VCAN: variants seen among roughly 807,000 people sequenced by gnomAD.
VCAN encodes versican core protein.
In VCAN, 44 loss-of-function variants were observed where a neutral mutation model predicts 245.5. The ratio of observed to expected loss-of-function variants is 0.18; its 90% CI spans 0.14 to 0.23. VCAN has a LOEUF of 0.23. Ranked by LOEUF, VCAN falls within the 10% of genes least tolerant of loss-of-function variation. The pLI is 1.00. For missense variants in VCAN, 3,793 were observed against 4,057.9 expected, an observed-to-expected ratio of 0.93 and a Z score of 1.77; for synonymous variants, 1,413 against 1,437.0, an observed-to-expected ratio of 0.98 and a Z score of 0.38.
intron 7 of VCAN, among the ~76,000 whole-genome samples, chr5:83,529,619 A>G (rs969117123): frequency 6.6e-6 from 1 of 152,072 alleles, no homozygotes; most frequent in Non-Finnish European, 1.5e-5. Context: ...AGGGATAACT[A>G]TATTTACAGT....
intron 12 of VCAN, among the ~76,000 whole-genome samples, chr5:83,569,022 T>C (rs1335783108): frequency 6.6e-6 from 1 of 152,182 alleles, no homozygotes; most frequent in Non-Finnish European, 1.5e-5. Context: ...ATTTCTTTAT[T>C]TATTCTTCAA....
In VCAN at chr5:83,539,728, C is replaced by T. The variant is rs776996440; in HGVS notation, c.6725C>T (p.Pro2242Leu). Residue 2242 changes from proline (P) to leucine (L), a missense_variant, in exon 8 of 15, where the codon CCA (proline) becomes CTA (leucine). Physicochemically the swap from Pro to Leu is moderately conservative, Grantham distance 98. This residue lies in a region of VCAN where 3,182 missense variants were observed against 3,250.3 expected (regional missense o/e 0.98). Coordinates refer to ENST00000265077, the MANE Select transcript of VCAN (RefSeq NM_004385.5). ...AAACATTTTCCGAAAGGCATGAGAC[C>T]AACAATTCAAGAGTCAGATACTGAG... Reference protein sequence around the residue: ...STKHFPKGMRPTIQESDTELL... With the variant: ...STKHFPKGMRLTIQESDTELL... The T allele has an allele frequency of 6.2e-7, 1 of 1,613,682 alleles. No homozygotes were observed. The highest frequency in any genetic ancestry group is 1.7e-5 in the Admixed American group (1 of 59,966).
In VCAN at chr5:83,517,488, G is replaced by A; in HGVS notation, c.1043-1861G>A. The stretch of plus-strand genomic sequence containing the variant: ...GTTTCCATGGGAACTTTTTCTGTAT[G>A]TATCTTTTTACTATTTCCCCAAAGA... On this transcript the variant is annotated intron_variant, in intron 6 of 14. Transcript: ENST00000265077. Among the ~76,000 whole-genome samples the A allele has an allele frequency of 1.3e-5, 2 of 152,046 alleles. 1 individual carries two copies. Among genetic ancestry groups the A allele is most frequent in the Non-Finnish European group, 2.9e-5 (2 of 67,966 alleles).
chr5:83,493,267 A>T (rs1745040629), intron 3 of VCAN, among the ~76,000 whole-genome samples: 2 of 152,330 alleles, frequency 1.3e-5, no homozygotes, highest in South Asian at 4.1e-4. Context: ...CAATCAGGAC[A>T]ACTATTGGGA....
At chr5:83,574,935 C>T (rs1200022160) in intron 13 of VCAN, among the ~76,000 whole-genome samples, 4 of 152,106 alleles carry the variant, frequency 2.6e-5, no homozygotes, top group African/African-American at 9.7e-5. Context: ...GCTGTACAGA[C>T]TTTTTCCCTA....
chr5:83,578,043 C>G (rs1748542821), intron 13 of VCAN, among the ~76,000 whole-genome samples: 1 of 152,032 alleles, frequency 6.6e-6, no homozygotes, highest in Non-Finnish European at 1.5e-5. Context: ...TTTAACCTTC[C>G]CTATCACTTT....
At chr5:83,531,490 A>G (rs1746518083) in intron 7 of VCAN, 2 of 152,114 alleles carry the variant, frequency 1.3e-5, no homozygotes, top group African/African-American at 2.4e-5. Flanking sequence ...CATCATTTTC[A>G]CTATGCTGCA....
chr5:83,572,859 A>ATTTT (rs1289741699), intron 13 of VCAN, among the ~76,000 whole-genome samples: 28 of 126,668 alleles, frequency 2.2e-4, no homozygotes, highest in African/African-American at 6.5e-4. Flanking sequence ...AGACCTTTTT[A>ATTTT]TTTTTATTTA....
chr5:83,578,567 T>C (rs1748559007), intron 13 of VCAN, among the ~76,000 whole-genome samples: 1 of 152,096 alleles, frequency 6.6e-6, no homozygotes, highest in South Asian at 2.1e-4. Flanking sequence ...TAAACCAAAA[T>C]TTGTCATTGC....
At chr5:83,559,273 C>CA (rs1247763140) in intron 12 of VCAN, among the ~76,000 whole-genome samples, 1 of 152,134 alleles carries the variant, frequency 6.6e-6, no homozygotes, top group African/African-American at 2.4e-5. Flanking sequence ...AATGACTAGT[C>CA]AGAGTGTTTT....
chr5:83,572,878 TTTA>T (rs1748340680), intron 13 of VCAN, among the ~76,000 whole-genome samples: 1 of 149,578 alleles, frequency 6.7e-6, no homozygotes, highest in Admixed American at 6.7e-5. Context: ...TATTTATTTA[TTTA>T]TTTATTTATT....
At chr5:83,554,425 A>C (rs1361196384) in intron 11 of VCAN, among the ~76,000 whole-genome samples, 1 of 152,226 alleles carries the variant, frequency 6.6e-6, no homozygotes, top group Non-Finnish European at 1.5e-5. Flanking sequence ...TATCCTTGCC[A>C]GTGACTCACC....
chr5:83,520,869 ACT>A lies in VCAN; in HGVS notation c.2566_2567del (p.Leu856TyrfsTer4), dbSNP rs1460697556. ...CACTGAAGATGGAGCAGATGAATTT[ACT>A]CTTATTCCAGATAGTACTCAAAAGC... ...SFTEDGADEFTLIPDSTQKQL... is the reference protein window; with the variant it reads ...SFTEDGADEFXLIPDSTQKQL... On this transcript the variant is annotated frameshift_variant, in exon 7 of 15. Coordinates refer to ENST00000265077, the MANE Select transcript of VCAN (RefSeq NM_004385.5). LOFTEE classifies it high-confidence loss of function. 6.2e-7 allele frequency: 1 copy of A among 1,614,022 alleles called. No individual in the cohort carries two copies. The highest frequency in any genetic ancestry group is 8.5e-7 in the Non-Finnish European group (1 of 1,180,020).
Position 83,541,226 on chromosome 5 carries a change from G to C in VCAN, c.8223G>C (p.Leu2741Phe). The C allele has an allele frequency of 6.2e-7, 1 of 1,613,854 alleles. No individual in the cohort carries two copies. The change falls in exon 8 of 15, where the codon TTG (leucine) becomes TTC (phenylalanine). Residue 2741 changes from leucine to phenylalanine, a missense_variant. Leu to Phe is a conservative substitution (Grantham distance 22, BLOSUM62 0). Around this residue, in one of 5 missense-constraint regions of VCAN, gnomAD observed 3,182 missense variants for 3,250.3 expected, o/e 0.98. Coordinates refer to ENST00000265077, the MANE Select transcript of VCAN (RefSeq NM_004385.5). ...IADQSEIIPT[L>F]GQFERTQEEY... The stretch of plus-strand genomic sequence containing the variant: ...ACCAAAGTGAAATAATACCAACATT[G>C]GGCCAATTTGAAAGGACTCAGGAGG...
chr5:83,483,746 T>A, intron 2 of VCAN, 158 bp downstream of exon 2: 1 of 714,254 alleles, frequency 1.4e-6, no homozygotes, highest in Non-Finnish European at 2.4e-6. Flanking sequence ...CCAAAAACAT[T>A]AGTTTTAAAT....
At chr5:83,494,639 G>A (rs539217935) in intron 5 of VCAN, among the ~76,000 whole-genome samples, 2 of 152,280 alleles carry the variant, frequency 1.3e-5, no homozygotes, top group South Asian at 4.1e-4. Flanking sequence ...TATCTAAAGA[G>A]CATGGTGCAG....
At chr5:83,543,409 G>A (rs1306672945) in intron 8 of VCAN, among the ~76,000 whole-genome samples, 1 of 152,094 alleles carries the variant, frequency 6.6e-6, no homozygotes, top group African/African-American at 2.4e-5. Context: ...TATGTTTTAT[G>A]CCATGACTAT....
chr5:83,486,867 A>G (rs1454459721), intron 2 of VCAN, among the ~76,000 whole-genome samples: 1 of 152,192 alleles, frequency 6.6e-6, no homozygotes, highest in Non-Finnish European at 1.5e-5. Context: ...TCCACATAAA[A>G]CAGATTTTCT....
chr5:83,487,932 T>G (rs1386679102), intron 2 of VCAN, among the ~76,000 whole-genome samples: 4 of 152,180 alleles, frequency 2.6e-5, no homozygotes, highest in Admixed American at 6.5e-5. Context: ...ACATATATTT[T>G]AAACTAATTT....
Sources: allele counts gnomAD v4.1 joint callset (sites outside exome capture counted in the v4.1 genomes callset), GRCh38; gene constraint gnomAD v4.1.1; regional missense constraint gnomAD v4.1.1; transcripts MANE v1.5; gene names NCBI Gene and HGNC (gene_info 2026-07-23, HGNC 2026-07-21).